OCLN: variants seen among roughly 807,000 people sequenced by gnomAD.
OCLN encodes occludin, also known as phosphatase 1, regulatory subunit 115.
A neutral mutation model predicts 47.9 loss-of-function variants in OCLN; 21 were observed. The ratio of observed to expected loss-of-function variants is 0.44; its 90% CI spans 0.31 to 0.63. The LOEUF (loss-of-function observed/expected upper bound fraction) is 0.63, where lower values mean the gene tolerates loss of function less well. Ranked by LOEUF, OCLN falls within the 30% of genes least tolerant of loss-of-function variation. The pLI, the probability that OCLN is intolerant of heterozygous loss-of-function variation, is 0.08. For synonymous variants in OCLN, 117 were observed against 198.4 expected, an observed-to-expected ratio of 0.59 and a Z score of 3.45; for missense variants, 360 against 571.0, an observed-to-expected ratio of 0.63 and a Z score of 3.77.
chr5:69,509,518 C>G lies in OCLN; in HGVS notation c.428C>G (p.Ala143Gly). 6.2e-7 allele frequency: 1 copy of G among 1,614,164 alleles called. No individual in the cohort carries two copies. Among genetic ancestry groups the G allele is most frequent in the African/African-American group, 1.3e-5 (1 of 75,048 alleles). ...AGAGCAGCAAAGGGCTTCATGTTGG[C>G]CATGGCTGCCTTTTGTTTCATTGCC... ...DPRAAKGFML[A>G]MAAFCFIAAL... The change falls in exon 3 of 9, where the codon GCC (alanine) becomes GGC (glycine). Residue 143 changes from alanine (A) to glycine (G), a missense_variant. Transcript: ENST00000396442.
At chr5:69,497,356 T>C (rs926684342) in intron 1 of OCLN, among the ~76,000 whole-genome samples, 4 of 151,490 alleles carry the variant, frequency 2.6e-5, no homozygotes, top group Non-Finnish European at 5.9e-5. Context: ...GTTTTTCCAA[T>C]CATTTGTCTT....
At chr5:69,526,045 G>A (rs1049964496) in intron 4 of OCLN, among the ~76,000 whole-genome samples, 3 of 152,118 alleles carry the variant, frequency 2.0e-5, no homozygotes, top group East Asian at 1.9e-4. Flanking sequence ...AGGTCTTTAC[G>A]AGGTACAGTG....
intron 1 of OCLN, among the ~76,000 whole-genome samples, chr5:69,494,032 A>G (rs533800687): frequency 3.3e-5 from 5 of 152,340 alleles, no homozygotes; most frequent in Non-Finnish European, 1.5e-5. Flanking sequence ...CCCTTAGGCA[A>G]CAGGTGTATT....
chr5:69,504,667 T>C (rs1463677777), intron 2 of OCLN, among the ~76,000 whole-genome samples: 4 of 152,232 alleles, frequency 2.6e-5, no homozygotes, highest in Admixed American at 1.3e-4. Context: ...CCGGGTGCGG[T>C]GGCTCACGCC....
At chr5:69,494,401 G>C (rs1768234120) in intron 1 of OCLN, among the ~76,000 whole-genome samples, 1 of 152,206 alleles carries the variant, frequency 6.6e-6, no homozygotes, top group Admixed American at 6.5e-5. Flanking sequence ...GGTCAGGCTG[G>C]TCTCGAACTC....
rs566846878 is a variant in OCLN at position 69,515,404 on chromosome 5, G to T, written c.891+1295G>T. Among the ~76,000 whole-genome samples the T allele has an allele frequency of 2.1e-4, 30 of 143,668 alleles. No homozygotes were observed. In the South Asian group the frequency reaches 6.4e-3, roughly 31 times the overall value. The allele number at this position is 143,668 out of a possible 152,430, so 94.3% of individuals were successfully genotyped here. On this transcript the variant is annotated intron_variant, in intron 4 of 8. Coordinates refer to ENST00000396442, the MANE Select transcript of OCLN (RefSeq NM_001205254.2). ...CCAGACAGGGCGGCTGGCCGGGCAG[G>T]GGGCTGACCCCCCTACCTCCCTCCC... is the stretch of plus-strand genomic sequence containing the variant.
At chr5:69,492,640 G>T (rs528182117), upstream of OCLN, 1 of 152,552 alleles carries the variant, frequency 6.6e-6, no homozygotes, top group East Asian at 1.9e-4. Context: ...GCGCCGAGGA[G>T]CCGGTCTAGG....
intron 4 of OCLN, among the ~76,000 whole-genome samples, chr5:69,520,513 C>G (rs1345326282): frequency 6.6e-6 from 1 of 151,234 alleles, no homozygotes; most frequent in East Asian, 2.0e-4. Flanking sequence ...CTTGGCCAGG[C>G]TGGCCTCAAA....
chr5:69,497,586 C>T (rs1177671668), intron 1 of OCLN, among the ~76,000 whole-genome samples: 1 of 151,828 alleles, frequency 6.6e-6, no homozygotes, highest in East Asian at 2.0e-4. Context: ...CGAGGTTTCA[C>T]CGTGTTGGCC....
chr5:69,521,566 T>G lies in OCLN; in HGVS notation c.891+7457T>G, dbSNP rs563660388. Among the ~76,000 whole-genome samples the G allele has an allele frequency of 9.2e-5, 14 of 152,272 alleles. 1 individual carries two copies. The South Asian group carries it at 2.9e-3, about 32-fold the overall frequency. The stretch of plus-strand genomic sequence containing the variant: ...AGAAGGATCTCTTGAGCTCAAGAGT[T>G]GAGGCTGCAGTGAGCTATGGTTGTG... On this transcript the variant is annotated intron_variant, in intron 4 of 8. Transcript: ENST00000396442.
At chr5:69,507,270 G>A (rs953533574) in intron 2 of OCLN, among the ~76,000 whole-genome samples, 10 of 152,052 alleles carry the variant, frequency 6.6e-5, no homozygotes, top group South Asian at 4.1e-4. Context: ...AAGTAGATGG[G>A]ATTACAGGTA....
Position 69,554,298 on chromosome 5 carries a change from T to TA in OCLN, c.*631dup, listed in dbSNP as rs1254334863. 3.3e-5 allele frequency: 5 copies of TA among 150,764 alleles called. No homozygotes were observed. The Admixed American group carries it at 3.3e-4, about 10-fold the overall frequency. The allele number at this position is 150,764 out of a possible 1,614,324, so 9.3% of individuals were successfully genotyped here. ...TTTTTCTTAAATAATAAAGATCATGTAAAAGTAACAAATGTGTGAAATTTA... is the reference window on the plus strand; with the variant it reads ...TTTTTCTTAAATAATAAAGATCATGTAAAAAGTAACAAATGTGTGAAATTTA... On this transcript the variant is annotated 3_prime_UTR_variant, in exon 9 of 9. Coordinates refer to ENST00000396442, the MANE Select transcript of OCLN (RefSeq NM_001205254.2).
In OCLN at chr5:69,509,516, G is replaced by A; in HGVS notation, c.426G>A (p.Leu142=). The part of the protein sequence containing the change: ...TDPRAAKGFM[L]AMAAFCFIAA... ...CAAGAGCAGCAAAGGGCTTCATGTT[G>A]GCCATGGCTGCCTTTTGTTTCATTG... Residue 142 remains leucine, a synonymous_variant, in exon 3 of 9, where the codon TTG becomes TTA. Coordinates refer to ENST00000396442, the MANE Select transcript of OCLN (RefSeq NM_001205254.2). 2 of 1,614,132 alleles carry A rather than the reference G, an allele frequency of 1.2e-6. No homozygotes were observed. Among genetic ancestry groups the A allele is most frequent in the Non-Finnish European group, 1.7e-6 (2 of 1,180,026 alleles).
intron 2 of OCLN, among the ~76,000 whole-genome samples, chr5:69,505,906 T>G (rs1198475282): frequency 6.6e-6 from 1 of 152,172 alleles, no homozygotes; most frequent in Non-Finnish European, 1.5e-5. Flanking sequence ...TAGCTGTGTG[T>G]CCTCTAATTA....
At position 69,514,224 on chromosome 5, in the gene OCLN, G is replaced by T. The variant is rs1768864861; in HGVS notation, c.891+115G>T. The T allele has an allele frequency of 8.4e-6, 8 of 954,210 alleles. No individual in the cohort carries two copies. In the South Asian group the frequency reaches 9.8e-5, roughly 12 times the overall value. 59.1% of individuals were successfully genotyped at this position (954,210 alleles called of 1,614,324 possible). A position where few individuals can be genotyped will look rare whatever the true frequency, so the allele number is the denominator to read the frequency against. On this transcript the variant is annotated intron_variant, in intron 4 of 8. Transcript: ENST00000396442. The stretch of plus-strand genomic sequence containing the variant: ...ATTAATGTTTGTATATGTTGCAAAG[G>T]TTGTTGCATTGGTTTTTACTCAGAA...
chr5:69,529,038 G>A lies in OCLN; in HGVS notation c.892-5656G>A, dbSNP rs79890525. 6.0e-3 allele frequency among the ~76,000 whole-genome samples: 911 copies of A among 152,278 alleles called. 12 individuals carry two copies. The highest frequency in any genetic ancestry group is 0.021 in the African/African-American group (872 of 41,538). Reference sequence around the variant, plus strand: ...CTAAGTGGGGATAAGTGTTTTCCCCGATCTTTGTTTTGGAGGAGAGAAGAT... The same window carrying A: ...CTAAGTGGGGATAAGTGTTTTCCCCAATCTTTGTTTTGGAGGAGAGAAGAT... On this transcript the variant is annotated intron_variant, in intron 4 of 8. Coordinates refer to ENST00000396442, the MANE Select transcript of OCLN (RefSeq NM_001205254.2).
intron 3 of OCLN, among the ~76,000 whole-genome samples, chr5:69,512,275 G>A (rs1561337284): frequency 6.6e-6 from 1 of 152,164 alleles, no homozygotes. Context: ...GCTTTCGCAT[G>A]TTTATATGCA....
chr5:69,521,011 C>T (rs1769122802), intron 4 of OCLN, among the ~76,000 whole-genome samples: 1 of 152,134 alleles, frequency 6.6e-6, no homozygotes, highest in South Asian at 2.1e-4. Flanking sequence ...CCACGTCTAG[C>T]TAATTTTTGT....
At chr5:69,537,352 T>C (rs1321654505) in intron 5 of OCLN, among the ~76,000 whole-genome samples, 1 of 43,820 alleles carries the variant, frequency 2.3e-5, no homozygotes, top group Non-Finnish European at 4.2e-5. Context: ...GTCACCTCAG[T>C]AGCTGGGACT....
Sources: allele counts gnomAD v4.1 joint callset (sites outside exome capture counted in the v4.1 genomes callset), GRCh38; gene constraint gnomAD v4.1.1; transcripts MANE v1.5; gene names NCBI Gene and HGNC (gene_info 2026-07-23, HGNC 2026-07-21).